Variants in PAPPA2 observed in about 807,000 individuals in gnomAD.
PAPPA2 encodes the protein pappalysin 2.
In PAPPA2, 86 loss-of-function variants were observed where a neutral mutation model predicts 176.4. The observed-to-expected ratio is 0.49, with a 90% CI of 0.41 to 0.58. The LOEUF is 0.58. PAPPA2 is among the 20% of genes least tolerant of loss of function. The pLI is 0.00. For missense variants in PAPPA2, 2,073 were observed against 2,256.9 expected (o/e 0.92, Z 1.65); for synonymous variants, 809 against 852.2 (o/e 0.95, Z 0.88).
At chr1:176,717,342 A>G (rs1661422994) in intron 12 of PAPPA2, among the ~76,000 whole-genome samples, 1 of 152,222 alleles carries the variant, frequency 6.6e-6, no homozygotes, top group Non-Finnish European at 1.5e-5. Context: ...ATGGCAGTTT[A>G]TAAATGCCAT....
intron 14 of PAPPA2, among the ~76,000 whole-genome samples, chr1:176,764,852 T>A (rs1302603419): frequency 6.6e-6 from 1 of 152,198 alleles, no homozygotes; most frequent in Non-Finnish European, 1.5e-5. Flanking sequence ...CGCCTTGGCC[T>A]CCCAAAGCGC....
At chr1:176,594,495 T>C in intron 2 of PAPPA2, 29 bp from the exon 3 acceptor site, 1 of 1,575,228 alleles carries the variant, frequency 6.3e-7, no homozygotes, top group Non-Finnish European at 8.7e-7. Flanking sequence ...GGTATCTGTC[T>C]CTTCCCTCGA....
intron 3 of PAPPA2, among the ~76,000 whole-genome samples, chr1:176,618,541 G>A (rs1386564209): frequency 6.6e-6 from 1 of 152,144 alleles, no homozygotes. Context: ...CTGTAGTGTT[G>A]TGAAAGACAA....
intron 1 of PAPPA2, among the ~76,000 whole-genome samples, chr1:176,485,689 T>C (rs1484995215): frequency 6.6e-6 from 1 of 152,198 alleles, no homozygotes; most frequent in Non-Finnish European, 1.5e-5. Flanking sequence ...TTGCCACTGA[T>C]GCATTCTTAA....
At chr1:176,600,619 T>C (rs1573106491) in intron 3 of PAPPA2, among the ~76,000 whole-genome samples, 2 of 136,964 alleles carry the variant, frequency 1.5e-5, no homozygotes, top group South Asian at 4.5e-4. Context: ...GAGCTTGCAG[T>C]GAGCCGAGAT....
intron 3 of PAPPA2, among the ~76,000 whole-genome samples, chr1:176,601,772 C>T (rs1368151334): frequency 1.3e-5 from 2 of 152,170 alleles, no homozygotes; most frequent in African/African-American, 2.4e-5. Flanking sequence ...AATTTCTGTA[C>T]CCTCAGGGGA....
chr1:176,555,977 A>T lies in PAPPA2; in HGVS notation c.-346A>T, dbSNP rs1372841407. Reference sequence around the variant, plus strand: ...GGATTACTGAAGAAGAAGGGGGGAAAAAAAAAGAAAGAAATCTGAGCTTTC... The same window carrying T: ...GGATTACTGAAGAAGAAGGGGGGAATAAAAAAGAAAGAAATCTGAGCTTTC... On this transcript the variant is annotated 5_prime_UTR_variant, in exon 2 of 23. Transcript: ENST00000367662. 1 of 237,258 alleles carries T rather than the reference A, an allele frequency of 4.2e-6. No individual in the cohort carries two copies. Among genetic ancestry groups the T allele is most frequent in the Non-Finnish European group, 8.2e-6 (1 of 122,080 alleles). 14.7% of individuals were successfully genotyped at this position (237,258 alleles called of 1,614,324 possible).
At chr1:176,537,273 A>G (rs1650116871) in intron 1 of PAPPA2, 2 of 152,176 alleles carry the variant, frequency 1.3e-5, no homozygotes, top group African/African-American at 2.4e-5. Context: ...GGGCTGACTC[A>G]ATGGACACCC....
chr1:176,713,149 ATTCAAG>A (rs1461741519), intron 12 of PAPPA2, among the ~76,000 whole-genome samples: 2 of 151,692 alleles, frequency 1.3e-5, no homozygotes, highest in Non-Finnish European at 2.9e-5. Flanking sequence ...CTTTAGACGA[ATTCAAG>A]TTCTTTTTTT....
At chr1:176,578,003 C>T (rs1652751323) in intron 2 of PAPPA2, among the ~76,000 whole-genome samples, 1 of 152,082 alleles carries the variant, frequency 6.6e-6, no homozygotes, top group Non-Finnish European at 1.5e-5. Flanking sequence ...GACTCTCACT[C>T]CTAACTTTAA....
At chr1:176,785,080 G>A (rs1238557457) in intron 17 of PAPPA2, among the ~76,000 whole-genome samples, 1 of 152,124 alleles carries the variant, frequency 6.6e-6, no homozygotes, top group Non-Finnish European at 1.5e-5. Flanking sequence ...CACAAACAGC[G>A]CTAGGTAACA....
At chr1:176,602,320 A>G (rs1039222378) in intron 3 of PAPPA2, among the ~76,000 whole-genome samples, 1 of 152,194 alleles carries the variant, frequency 6.6e-6, no homozygotes, top group African/African-American at 2.4e-5. Flanking sequence ...AGAAGTCCTC[A>G]AGAGGGTGGC....
chr1:176,630,640 G>A (rs1656285859), intron 3 of PAPPA2, among the ~76,000 whole-genome samples: 1 of 152,036 alleles, frequency 6.6e-6, no homozygotes, highest in Non-Finnish European at 1.5e-5. Flanking sequence ...AGAAAGCAGT[G>A]GCAGCAAAAG....
chr1:176,586,579 G>A (rs1653324612), intron 2 of PAPPA2, among the ~76,000 whole-genome samples: 1 of 152,126 alleles, frequency 6.6e-6, no homozygotes, highest in Admixed American at 6.5e-5. Context: ...GGCTGAGGAT[G>A]ATGACTTCAA....
At chr1:176,729,320 C>T (rs894675042) in intron 12 of PAPPA2, among the ~76,000 whole-genome samples, 3 of 152,012 alleles carry the variant, frequency 2.0e-5, no homozygotes, top group Non-Finnish European at 4.4e-5. Context: ...ATTTTTAACT[C>T]TCTTTTATAT....
chr1:176,564,168 C>T (rs971343389), intron 2 of PAPPA2, among the ~76,000 whole-genome samples: 1 of 152,182 alleles, frequency 6.6e-6, no homozygotes, highest in Non-Finnish European at 1.5e-5. Context: ...TTCAATAGGT[C>T]TGGGGCAGCC....
intron 3 of PAPPA2, among the ~76,000 whole-genome samples, chr1:176,609,087 T>C (rs1046449026): frequency 6.6e-6 from 1 of 152,178 alleles, no homozygotes. Context: ...TAAGTTCCTA[T>C]AGTAATCTAG....
intron 1 of PAPPA2, among the ~76,000 whole-genome samples, chr1:176,477,581 C>A (rs934831232): frequency 2.6e-5 from 4 of 151,922 alleles, no homozygotes; most frequent in Non-Finnish European, 4.4e-5. Flanking sequence ...TCCATCTCTA[C>A]TAAAAATACA....
At chr1:176,577,256 G>A (rs1380584795) in intron 2 of PAPPA2, among the ~76,000 whole-genome samples, 1 of 152,036 alleles carries the variant, frequency 6.6e-6, no homozygotes, top group South Asian at 2.1e-4. Flanking sequence ...GTTCTCTCAG[G>A]CAATCACAAG....
Sources: allele counts gnomAD v4.1 joint callset (sites outside exome capture counted in the v4.1 genomes callset), GRCh38; gene constraint gnomAD v4.1.1; transcripts MANE v1.5; gene names NCBI Gene and HGNC (gene_info 2026-07-23, HGNC 2026-07-21).